The following PRDM16 variants were observed in gnomAD, a reference collection of about 807,000 sequenced individuals.
The protein encoded by PRDM16 is PR/SET domain 16, also known as histone-lysine N-methyltransferase PRDM16.
In PRDM16, 23 loss-of-function variants were observed where a neutral mutation model predicts 110.6. The ratio of observed to expected loss-of-function variants is 0.21; its 90% CI spans 0.15 to 0.29. The LOEUF is 0.29. PRDM16 is among the 10% of genes least tolerant of loss of function. The pLI is 1.00. For missense variants in PRDM16, 1,615 were observed against 1,794.3 expected (o/e 0.90, Z 1.81); for synonymous variants, 799 against 781.8 (o/e 1.02, Z -0.37).
In PRDM16 at chr1:3,436,341, G is replaced by A. The variant is rs549387803; in HGVS notation, c.*2530G>A. 9 of 230,526 alleles carry A rather than the reference G, an allele frequency of 3.9e-5. No individual in the cohort carries two copies. The highest frequency in any genetic ancestry group is 1.8e-4 in the East Asian group (3 of 16,286). The allele number at this position is 230,526 out of a possible 1,614,324, so 14.3% of individuals were successfully genotyped here. A position where few individuals can be genotyped will look rare whatever the true frequency, so the allele number is the denominator to read the frequency against. On this transcript the variant is annotated 3_prime_UTR_variant, in exon 17 of 17. Coordinates refer to ENST00000270722, the MANE Select transcript of PRDM16 (RefSeq NM_022114.4). Reference sequence around the variant, plus strand: ...TCTCCGGATCCCCCAGTCCCATCCCGCCGTTTTCGGCTGTCTTCCTAACCG... The same window carrying A: ...TCTCCGGATCCCCCAGTCCCATCCCACCGTTTTCGGCTGTCTTCCTAACCG...
chr1:3,293,780 G>A (rs1379781029), intron 3 of PRDM16, among the ~76,000 whole-genome samples: 5 of 152,146 alleles, frequency 3.3e-5, no homozygotes, highest in Admixed American at 1.3e-4. Context: ...TCCGGGAGTC[G>A]GCAGCAATGT....
At chr1:3,305,541 G>A (rs1455962715) in intron 3 of PRDM16, among the ~76,000 whole-genome samples, 1 of 152,256 alleles carries the variant, frequency 6.6e-6, no homozygotes, top group African/African-American at 2.4e-5. Flanking sequence ...CCTCCCACAT[G>A]CAGGTAATGA....
chr1:3,340,264 C>A (rs976291912), intron 3 of PRDM16, among the ~76,000 whole-genome samples: 6 of 152,054 alleles, frequency 3.9e-5, no homozygotes, highest in African/African-American at 1.2e-4. Flanking sequence ...ACCCCACGAG[C>A]CCACCCTCCA....
intron 2 of PRDM16, among the ~76,000 whole-genome samples, chr1:3,219,802 C>T (rs1479219251): frequency 1.3e-5 from 2 of 152,146 alleles, no homozygotes; most frequent in Admixed American, 6.6e-5. Context: ...CGGGAGAAAC[C>T]CCCATACCTC....
rs1183576134 is a variant in PRDM16 at position 3,350,194 on chromosome 1, C to T, written c.439-34958C>T. 6.6e-6 allele frequency among the ~76,000 whole-genome samples: 1 copy of T among 152,194 alleles called. No individual in the cohort carries two copies. Among genetic ancestry groups the T allele is most frequent in the East Asian group, 1.9e-4 (1 of 5,182 alleles). ...TACAAAAATTAGCCTGATGTGATGGCATGTGCTGGTAGTTCCAGCTACTCA... is the reference window on the plus strand; with the variant it reads ...TACAAAAATTAGCCTGATGTGATGGTATGTGCTGGTAGTTCCAGCTACTCA... On this transcript the variant is annotated intron_variant, in intron 3 of 16. Coordinates refer to ENST00000270722, the MANE Select transcript of PRDM16 (RefSeq NM_022114.4). This position sits in a 1 kb window ranked among gnomAD's most constrained non-coding sequence, Gnocchi z 7.1.
chr1:3,322,381 G>T (rs538353392), intron 3 of PRDM16, among the ~76,000 whole-genome samples: 2 of 152,230 alleles, frequency 1.3e-5, no homozygotes, highest in East Asian at 3.9e-4. Context: ...TAAATCTCAC[G>T]CTCCTTGTAA....
chr1:3,101,213 C>T (rs1039712427), intron 1 of PRDM16, among the ~76,000 whole-genome samples: 2 of 152,154 alleles, frequency 1.3e-5, no homozygotes, highest in African/African-American at 2.4e-5. Flanking sequence ...CCCCAGCGGA[C>T]GAGCAAACAC....
rs61759179 is a variant in PRDM16, at chr1:3,190,237, G to C, written c.387+3763G>C. The stretch of plus-strand genomic sequence containing the variant: ...CGTGGGGCAGCCTTACTTCAAGGTC[G>C]TGGGGCAGCCTTACTTCAAGGTCGT... On this transcript the variant is annotated intron_variant, in intron 2 of 16. Coordinates refer to ENST00000270722, the MANE Select transcript of PRDM16 (RefSeq NM_022114.4). This position sits in a 1 kb window ranked among gnomAD's most constrained non-coding sequence, Gnocchi z 5.0. Among the ~76,000 whole-genome samples the C allele has an allele frequency of 1.4e-5, 2 of 148,066 alleles. No individual in the cohort carries two copies. The highest frequency in any genetic ancestry group is 3.0e-5 in the Non-Finnish European group (2 of 66,806).
intron 1 of PRDM16, among the ~76,000 whole-genome samples, chr1:3,128,619 C>T (rs1159583003): frequency 1.3e-5 from 2 of 152,182 alleles, no homozygotes; most frequent in Admixed American, 1.3e-4. Context: ...GGTGACCGGC[C>T]GGTGAGCTGT....
chr1:3,263,379 G>A (rs781740950), intron 3 of PRDM16, among the ~76,000 whole-genome samples: 4 of 152,204 alleles, frequency 2.6e-5, no homozygotes, highest in Non-Finnish European at 4.4e-5. Flanking sequence ...CCGCTCTCCC[G>A]TGGGGCCCCC....
In PRDM16 at chr1:3,397,169, A is replaced by G. The variant is rs1360298383; in HGVS notation, c.676+576A>G. ...GCATCTGTAGCTAAAACTCCAAGAG[A>G]AGTGTTAGGGGAAGTTTCATTTGGC... On this transcript the variant is annotated intron_variant, in intron 5 of 16. Transcript: ENST00000270722. Among the ~76,000 whole-genome samples, 8 of 152,208 alleles carry G rather than the reference A, an allele frequency of 5.3e-5. No homozygotes were observed. In the East Asian group the frequency reaches 1.5e-3, roughly 29 times the overall value.
chr1:3,386,144 G>T (rs954832403), intron 4 of PRDM16, among the ~76,000 whole-genome samples: 5 of 149,520 alleles, frequency 3.3e-5, no homozygotes, highest in African/African-American at 5.1e-5. Context: ...TGCGTTCCTC[G>T]GGGTGCCCGG....
chr1:3,117,181 G>A (rs1161385624), intron 1 of PRDM16, among the ~76,000 whole-genome samples: 1 of 152,152 alleles, frequency 6.6e-6, no homozygotes, highest in Admixed American at 6.5e-5. Flanking sequence ...TTCATCTCTG[G>A]TTTCTTGTCT....
At chr1:3,294,536 C>T (rs1051280446) in intron 3 of PRDM16, among the ~76,000 whole-genome samples, 2 of 152,138 alleles carry the variant, frequency 1.3e-5, no homozygotes, top group African/African-American at 2.4e-5. Context: ...ATCAGCAACA[C>T]AGCCCTCCAT....
intron 2 of PRDM16, among the ~76,000 whole-genome samples, chr1:3,203,200 G>C (rs1638673547): frequency 6.6e-6 from 1 of 152,194 alleles, no homozygotes; most frequent in Non-Finnish European, 1.5e-5. Context: ...AAGAAGTTAG[G>C]CTATGGGTGG....
intron 4 of PRDM16, among the ~76,000 whole-genome samples, chr1:3,394,716 C>T (rs1159486035): frequency 1.3e-5 from 2 of 152,234 alleles, no homozygotes; most frequent in Non-Finnish European, 2.9e-5. Flanking sequence ...ATGCCACTCA[C>T]GGCACCGCTC....
intron 2 of PRDM16, among the ~76,000 whole-genome samples, chr1:3,223,131 G>C (rs1018698190): frequency 1.1e-5 from 1 of 87,902 alleles, no homozygotes; most frequent in East Asian, 3.7e-4. Flanking sequence ...TTTTTTTTGA[G>C]ACAGAGTCTT....
In PRDM16 at chr1:3,433,554, C is replaced by T. The variant is rs532472005; in HGVS notation, c.3697-123C>T. The T allele has an allele frequency of 4.4e-5, 11 of 247,578 alleles. 1 individual carries two copies. The highest frequency in any genetic ancestry group is 1.7e-4 in the East Asian group (3 of 17,660). 15.3% of individuals were successfully genotyped at this position (247,578 alleles called of 1,614,324 possible). The stretch of plus-strand genomic sequence containing the variant: ...TCTGGGATGGCCCGCCCTGCCCACG[C>T]GCTCACCTGCCTGTCTGGGATGGCC... On this transcript the variant is annotated intron_variant, in intron 16 of 16. Coordinates refer to ENST00000270722, the MANE Select transcript of PRDM16 (RefSeq NM_022114.4).
At chr1:3,191,073 T>C (rs1638297888) in intron 2 of PRDM16, among the ~76,000 whole-genome samples, 1 of 152,178 alleles carries the variant, frequency 6.6e-6, no homozygotes. Context: ...CTTGTTTCTT[T>C]GTTGACTGTG....
Sources: allele counts gnomAD v4.1 joint callset (sites outside exome capture counted in the v4.1 genomes callset), GRCh38; gene constraint gnomAD v4.1.1; non-coding constraint Gnocchi (gnomAD v3.1); transcripts MANE v1.5; gene names NCBI Gene and HGNC (gene_info 2026-07-23, HGNC 2026-07-21).